Variants in DENND2B observed in about 807,000 individuals in gnomAD.
DENND2B encodes the protein DENN domain-containing protein 2B.
In DENND2B, 32 loss-of-function variants were observed where a neutral mutation model predicts 116.0. The ratio of observed to expected loss-of-function variants is 0.28; its 90% confidence interval spans 0.21 to 0.37. The LOEUF (loss-of-function observed/expected upper bound fraction) is 0.37. DENND2B is among the 10% of genes least tolerant of loss of function. The probability of loss-of-function intolerance (pLI) is 1.00; values close to 1 mark genes in which losing one functional copy is unlikely to be tolerated. For missense variants in DENND2B, 1,276 were observed against 1,477.7 expected, an observed-to-expected ratio of 0.86 and a Z score of 2.24; for synonymous variants, 588 against 583.9, an observed-to-expected ratio of 1.01 and a Z score of -0.10.
intron 5 of DENND2B, 43 bp downstream of exon 5, chr11:8,717,698 G>A: frequency 1.3e-6 from 2 of 1,488,076 alleles, no homozygotes; most frequent in Non-Finnish European, 1.8e-6. Flanking sequence ...CCCCACTGTG[G>A]CCCTCACGCT....
chr11:8,890,221 C>A (rs1174941095), intron 1 of DENND2B, among the ~76,000 whole-genome samples: 1 of 152,118 alleles, frequency 6.6e-6, no homozygotes, highest in African/African-American at 2.4e-5. Context: ...GAAAGGACAT[C>A]CACACCAAAA....
chr11:8,768,896 T>C (rs982476424), intron 1 of DENND2B: 1 of 152,230 alleles, frequency 6.6e-6, no homozygotes, highest in Non-Finnish European at 1.5e-5. Context: ...GGGATGTAGC[T>C]GACTAGGGGT....
intron 2 of DENND2B, among the ~76,000 whole-genome samples, chr11:8,866,248 C>G (rs1174984929): frequency 1.3e-5 from 2 of 152,176 alleles, no homozygotes; most frequent in Non-Finnish European, 2.9e-5. Flanking sequence ...CGTGAGCCAC[C>G]GCACCCGACC....
chr11:8,732,096 T>C (rs962246016), intron 2 of DENND2B, among the ~76,000 whole-genome samples: 1 of 152,198 alleles, frequency 6.6e-6, no homozygotes, highest in Non-Finnish European at 1.5e-5. Context: ...TTTTCCACTC[T>C]ATCATTGAGG....
At chr11:8,811,653 C>A, upstream of DENND2B, 1 of 250,726 alleles carries the variant, frequency 4.0e-6, no homozygotes, top group Non-Finnish European at 7.5e-6. Context: ...TTACATGTAT[C>A]ATTTTGTTTG....
At chr11:8,754,029 G>GCGAGCACACACACA (rs146486674) in intron 1 of DENND2B, among the ~76,000 whole-genome samples, 1 of 138,734 alleles carries the variant, frequency 7.2e-6, no homozygotes, top group Admixed American at 7.3e-5. Context: ...CCAAAAGCGC[G>GCGAGCACACACACA]CACACACACA....
upstream of DENND2B, among the ~76,000 whole-genome samples, chr11:8,874,843 T>G (rs774513159): frequency 3.9e-5 from 6 of 152,096 alleles, no homozygotes; most frequent in Admixed American, 3.9e-4. Context: ...GAGGATTGCT[T>G]GAGCCCAGGA....
chr11:8,870,194 C>T (rs1005672593), intron 2 of DENND2B, among the ~76,000 whole-genome samples: 2 of 152,190 alleles, frequency 1.3e-5, no homozygotes, highest in Non-Finnish European at 2.9e-5. Flanking sequence ...AATTTTCTCA[C>T]TTAATGAAGA....
At chr11:8,897,543 G>A (rs1258477405) in intron 1 of DENND2B, among the ~76,000 whole-genome samples, 1 of 152,130 alleles carries the variant, frequency 6.6e-6, no homozygotes, top group African/African-American at 2.4e-5. Flanking sequence ...ATCATTGCTG[G>A]CTGAAACTGT....
At chr11:8,880,190 T>G (rs1386606014) in intron 2 of DENND2B, among the ~76,000 whole-genome samples, 1 of 152,188 alleles carries the variant, frequency 6.6e-6, no homozygotes, top group Admixed American at 6.6e-5. Context: ...CCTTTTTCCT[T>G]TTCTTTTAGG....
Position 8,876,478 on chromosome 11 carries a change from A to G in DENND2B, c.-156+4532T>C, listed in dbSNP as rs550641715. On this transcript the variant is annotated intron_variant, in intron 2 of 22. Coordinates refer to the DENND2B transcript ENST00000534127. ...ACAGAAGACAGGATACATCCAATCAAAGTTCTCTTTCTATATCAGCTCACA... is the reference window on the plus strand; with the variant it reads ...ACAGAAGACAGGATACATCCAATCAGAGTTCTCTTTCTATATCAGCTCACA... Among the ~76,000 whole-genome samples the G allele has an allele frequency of 3.3e-5, 5 of 152,274 alleles. No individual in the cohort carries two copies. The South Asian group carries it at 1.0e-3, about 32-fold the overall frequency.
At position 8,728,754 on chromosome 11, in the gene DENND2B, G is replaced by A. The variant is rs565053165; in HGVS notation, c.1340+1196C>T. ...CCTGCACTGCCATGAGTCATGGCAC[G>A]TATGACATTATCTATGATTTATCTG... On this transcript the variant is annotated intron_variant, in intron 3 of 19. Transcript: ENST00000313726. Among the ~76,000 whole-genome samples, 33 of 152,276 alleles carry A rather than the reference G, an allele frequency of 2.2e-4. No individual in the cohort carries two copies. In the South Asian group the frequency reaches 2.7e-3, roughly 12 times the overall value.
intron 4 of DENND2B, among the ~76,000 whole-genome samples, chr11:8,821,251 C>T (rs1361636728): frequency 1.3e-5 from 2 of 151,788 alleles, no homozygotes; most frequent in East Asian, 3.9e-4. Context: ...GGAAAACTTG[C>T]TTTTCACTGT....
At chr11:8,709,544 C>T (rs930427441) in intron 11 of DENND2B, among the ~76,000 whole-genome samples, 2 of 152,210 alleles carry the variant, frequency 1.3e-5, no homozygotes, top group African/African-American at 2.4e-5. Context: ...TGGCCTCTGC[C>T]TGGCTCACCA....
At chr11:8,752,222 G>A (rs563338648) in intron 1 of DENND2B, among the ~76,000 whole-genome samples, 7 of 152,348 alleles carry the variant, frequency 4.6e-5, no homozygotes, top group Non-Finnish European at 2.9e-5. Context: ...GGAGGCCAAG[G>A]CAGGCAGTTC....
chr11:8,707,403 G>T lies in DENND2B; in HGVS notation c.2431-178C>A. 1.2e-6 allele frequency: 1 copy of T among 817,682 alleles called. No homozygotes were observed. The highest frequency in any genetic ancestry group is 1.8e-6 in the Non-Finnish European group (1 of 541,432). 50.7% of individuals were successfully genotyped at this position (817,682 alleles called of 1,614,324 possible). A position where few individuals can be genotyped will look rare whatever the true frequency, so the allele number is the denominator to read the frequency against. The stretch of plus-strand genomic sequence containing the variant: ...CTTCCCGTTTTCCTTGGCACTCAGT[G>T]ACTCCTCTGTTCCCTAACTGGCCTT... On this transcript the variant is annotated intron_variant, in intron 12 of 19. Transcript: ENST00000313726. This position sits in a 1 kb window ranked among gnomAD's most constrained non-coding sequence, Gnocchi z 4.8.
intron 3 of DENND2B, chr11:8,839,463 T>C (rs2062549976): frequency 6.6e-6 from 1 of 152,122 alleles, no homozygotes; most frequent in Non-Finnish European, 1.5e-5. Flanking sequence ...GAGGCTCTGA[T>C]ATTGACACTG....
At chr11:8,725,017 C>T (rs11042051) in intron 4 of DENND2B, among the ~76,000 whole-genome samples, 8 of 152,254 alleles carry the variant, frequency 5.3e-5, no homozygotes, top group Admixed American at 5.2e-4. Context: ...GAACACGAAG[C>T]TCATGCTGCC....
chr11:8,878,236 C>A (rs948111135), intron 2 of DENND2B, among the ~76,000 whole-genome samples: 1 of 152,132 alleles, frequency 6.6e-6, no homozygotes, highest in Non-Finnish European at 1.5e-5. Context: ...AAAAGTTAAA[C>A]ATAGAATTAC....
Sources: allele counts gnomAD v4.1 joint callset (sites outside exome capture counted in the v4.1 genomes callset), GRCh38; gene constraint gnomAD v4.1.1; non-coding constraint Gnocchi (gnomAD v3.1); transcripts MANE v1.5; gene names NCBI Gene and HGNC (gene_info 2026-07-23, HGNC 2026-07-21).